ZRSR2: variants seen among roughly 807,000 people sequenced by gnomAD.
The protein encoded by ZRSR2 is zinc finger CCCH-type, RNA binding motif and serine/arginine rich 2.
A neutral mutation model predicts 39.4 loss-of-function variants in ZRSR2; 3 were observed. That is an observed-to-expected ratio of 0.08 (90% CI 0.03 to 0.20). The LOEUF is 0.20. ZRSR2 is among the 10% of genes least tolerant of loss of function. ZRSR2 has a pLI of 1.00. For synonymous variants in ZRSR2, 137 were observed against 136.0 expected (o/e 1.01, Z -0.05); for missense variants, 256 against 391.5 (o/e 0.65, Z 2.92).
At position 15,818,311 on chromosome X, in the gene ZRSR2, G is replaced by A. The variant is rs1038023033; in HGVS notation, c.772-276G>A. ...AAAACGTTAGTGTTAAATCTGGGTA[G>A]TGCATATATAGGCTGATTGATATCT... On this transcript the variant is annotated intron_variant, in intron 8 of 10. Coordinates refer to ENST00000307771, the MANE Select transcript of ZRSR2 (RefSeq NM_005089.4). Among the ~76,000 whole-genome samples the A allele has an allele frequency of 5.3e-4, 60 of 112,527 alleles. 1 individual carries two copies. Among genetic ancestry groups the A allele is most frequent in the African/African-American group, 1.9e-3 (60 of 30,950 alleles).
chrX:15,822,078 C>T (rs1400103315), intron 10 of ZRSR2, among the ~76,000 whole-genome samples: 2 of 110,041 alleles, frequency 1.8e-5, no homozygotes, highest in Admixed American at 1.9e-4. Flanking sequence ...GCAACCTCCA[C>T]CTCCTGGGTT....
At chrX:15,807,386 T>A (rs1214067187) in intron 5 of ZRSR2, among the ~76,000 whole-genome samples, 3 of 109,504 alleles carry the variant, frequency 2.7e-5, no homozygotes, top group Non-Finnish European at 3.8e-5. Context: ...GCCTCCTGGG[T>A]TCAAGCGATT....
At chrX:15,810,951 C>G (rs1932871581) in intron 7 of ZRSR2, among the ~76,000 whole-genome samples, 1 of 108,167 alleles carries the variant, frequency 9.2e-6, no homozygotes, top group South Asian at 3.9e-4. Flanking sequence ...ACTTGGGTGG[C>G]CTTAGTTTCA....
intron 3 of ZRSR2, among the ~76,000 whole-genome samples, chrX:15,800,376 AG>A (rs1288351981): frequency 9.2e-6 from 1 of 109,053 alleles, no homozygotes; most frequent in East Asian, 2.9e-4. Flanking sequence ...TAGTAGAGAC[AG>A]GGTTTCACCA....
intron 2 of ZRSR2, 131 bp from the exon 3 acceptor site, chrX:15,799,740 CT>C: frequency 2.4e-6 from 1 of 421,087 alleles, no homozygotes; most frequent in Non-Finnish European, 4.0e-6. Context: ...GATCAGAGAC[CT>C]TTTTGTTAGA....
intron 10 of ZRSR2, among the ~76,000 whole-genome samples, chrX:15,820,624 G>A (rs753159222): frequency 5.4e-5 from 6 of 111,962 alleles, no homozygotes; most frequent in Non-Finnish European, 9.4e-5. Context: ...AGGAGTTTAC[G>A]TCTGTGGAAG....
chrX:15,805,524 G>C (rs769450082), intron 5 of ZRSR2, among the ~76,000 whole-genome samples: 3 of 112,543 alleles, frequency 2.7e-5, no homozygotes, highest in Admixed American at 1.9e-4. Context: ...AGCGGACAGA[G>C]ACAGAGCAGT....
Position 15,815,669 on chromosome X carries a change from A to C in ZRSR2, c.558-8A>C. The C allele has an allele frequency of 8.4e-7, 1 of 1,186,997 alleles. No homozygotes were observed. Among genetic ancestry groups the C allele is most frequent in the East Asian group, 3.0e-5 (1 of 33,476 alleles). On this transcript the variant is annotated splice_region_variant and splice_polypyrimidine_tract_variant and intron_variant, in intron 7 of 10. Coordinates refer to ENST00000307771, the MANE Select transcript of ZRSR2 (RefSeq NM_005089.4). ...CCTAGTGAATTTAAGCTTTTCTTTC[A>C]TACGCAGATGTTCACGTAAACATAA...
intron 2 of ZRSR2, among the ~76,000 whole-genome samples, chrX:15,791,440 A>AT (rs1020596972): frequency 1.8e-5 from 2 of 111,429 alleles, no homozygotes; most frequent in African/African-American, 6.5e-5. Context: ...TTATTATGTT[A>AT]TTCAAATATA....
chrX:15,806,887 GGA>G (rs1172086928), intron 5 of ZRSR2, among the ~76,000 whole-genome samples: 2 of 111,500 alleles, frequency 1.8e-5, no homozygotes, highest in Admixed American at 1.9e-4. Flanking sequence ...CAGAGGACAA[GGA>G]GAGAGAGAGG....
intron 6 of ZRSR2, 121 bp from the exon 7 acceptor site, chrX:15,809,079 A>G: frequency 3.6e-6 from 2 of 562,926 alleles, no homozygotes; most frequent in Non-Finnish European, 6.1e-6. Context: ...TCCAACTTAA[A>G]TGTTTGCATT....
chrX:15,808,108 G>A, intron 5 of ZRSR2, 125 bp from the exon 6 acceptor site: 1 of 606,284 alleles, frequency 1.6e-6, no homozygotes, highest in South Asian at 2.4e-5. Flanking sequence ...TGATTCAAAA[G>A]AAAACTAGAA....
intron 6 of ZRSR2, among the ~76,000 whole-genome samples, chrX:15,808,529 T>G (rs972468969): frequency 1.8e-5 from 2 of 111,484 alleles, no homozygotes; most frequent in African/African-American, 6.5e-5. Flanking sequence ...ACCGTTAGCC[T>G]CCAGTGGACG....
intron 7 of ZRSR2, among the ~76,000 whole-genome samples, chrX:15,810,597 T>C (rs1221458660): frequency 9.0e-6 from 1 of 111,037 alleles, no homozygotes; most frequent in Non-Finnish European, 1.9e-5. Context: ...TCTCTCCTTT[T>C]TCTTTTTGAA....
chrX:15,820,105 G>C lies in ZRSR2; in HGVS notation c.828-102G>C, dbSNP rs1601828369. ...CCCTAGGTACAAAATCAGTGAACTT[G>C]GTGGTCCTACAATAAATTAATAACG... On this transcript the variant is annotated intron_variant, in intron 9 of 10. Coordinates refer to ENST00000307771, the MANE Select transcript of ZRSR2 (RefSeq NM_005089.4). The C allele has an allele frequency of 4.2e-6, 3 of 710,106 alleles. No homozygotes were observed. In the East Asian group the frequency reaches 1.0e-4, roughly 24 times the overall value. 58.5% of individuals were successfully genotyped at this position (710,106 alleles called of 1,213,427 possible). A position where few individuals can be genotyped will look rare whatever the true frequency, so the allele number is the denominator to read the frequency against.
chrX:15,808,260 G>T lies in ZRSR2; in HGVS notation c.427G>T (p.Ala143Ser). Residue 143 changes from alanine (A) to serine (S), a missense_variant, in exon 6 of 11, where the codon GCT becomes TCT. Ala to Ser is a moderately conservative substitution (Grantham distance 99, BLOSUM62 1). Transcript: ENST00000307771. ...EEALQKMLDQ[A>S]ENELENGTTW... ...AGCTTTGCAGAAGATGCTGGATCAGGCTGAAAATGAGGTATTTTTAAAACC... is the reference window on the plus strand; with the variant it reads ...AGCTTTGCAGAAGATGCTGGATCAGTCTGAAAATGAGGTATTTTTAAAACC... 8.3e-7 allele frequency: 1 copy of T among 1,203,933 alleles called. No individual in the cohort carries two copies. The highest frequency in any genetic ancestry group is 1.1e-6 in the Non-Finnish European group (1 of 891,501).
At chrX:15,816,403 T>C (rs760480106) in intron 8 of ZRSR2, among the ~76,000 whole-genome samples, 1 of 112,361 alleles carries the variant, frequency 8.9e-6, no homozygotes, top group South Asian at 3.7e-4. Flanking sequence ...AACATAAATC[T>C]AGATTCCACC....
intron 4 of ZRSR2, 41 bp downstream of exon 4, chrX:15,803,837 T>A (rs200136400): frequency 2.6e-6 from 3 of 1,167,513 alleles, no homozygotes. Context: ...AACTGATTAC[T>A]TCACCATAAT....
chrX:15,794,633 A>G (rs188842976), intron 2 of ZRSR2, among the ~76,000 whole-genome samples: 2 of 111,538 alleles, frequency 1.8e-5, no homozygotes, highest in East Asian at 5.6e-4. Context: ...GAGGAAGAGG[A>G]TGATTTGGTC....
Sources: gnomAD v4.1 joint callset for allele counts (sites outside exome capture counted in the v4.1 genomes callset) on GRCh38, gnomAD v4.1.1 for gene constraint, MANE v1.5 for transcripts, NCBI Gene and HGNC (gene_info 2026-07-23, HGNC 2026-07-21) for gene names.